STPG2: variants seen among roughly 807,000 people sequenced by gnomAD.
STPG2 encodes the protein sperm tail PG-rich repeat containing 2.
STPG2 carries 56 observed loss-of-function variants against 54.2 expected under a neutral mutation model. That is an observed-to-expected ratio of 1.03 (90% CI 0.83 to 1.29). STPG2 has a LOEUF of 1.29. Among genes scored for constraint, STPG2 ranks in the 50% most tolerant of loss-of-function variants. STPG2 has a pLI of 0.00. For synonymous variants in STPG2, 200 were observed against 181.8 expected, an observed-to-expected ratio of 1.10 and a Z score of -0.81; for missense variants, 596 against 544.9, an observed-to-expected ratio of 1.09 and a Z score of -0.93.
chr4:97,803,525 T>G (rs1391556996), intron 9 of STPG2, among the ~76,000 whole-genome samples: 1 of 152,130 alleles, frequency 6.6e-6, no homozygotes, highest in Non-Finnish European at 1.5e-5. Context: ...CTTTGCCATC[T>G]TCTACAGGAG....
At chr4:97,931,517 T>A (rs1732544118) in intron 8 of STPG2, among the ~76,000 whole-genome samples, 1 of 152,220 alleles carries the variant, frequency 6.6e-6, no homozygotes, top group African/African-American at 2.4e-5. Context: ...CAACCTTGAA[T>A]CCTGGAAATA....
intron 10 of STPG2, among the ~76,000 whole-genome samples, chr4:97,618,508 G>A (rs1167230703): frequency 1.3e-5 from 2 of 152,136 alleles, no homozygotes; most frequent in African/African-American, 4.8e-5. Flanking sequence ...GAAATACAGT[G>A]CTTTTAACAC....
intron 4 of STPG2, among the ~76,000 whole-genome samples, chr4:97,443,408 T>A (rs1329502172): frequency 6.6e-6 from 1 of 152,148 alleles, no homozygotes; most frequent in East Asian, 1.9e-4. Flanking sequence ...TTAAGACATT[T>A]GCTAAATTTT....
At chr4:97,443,557 A>G (rs1187098803) in intron 4 of STPG2, among the ~76,000 whole-genome samples, 2 of 152,158 alleles carry the variant, frequency 1.3e-5, no homozygotes, top group Non-Finnish European at 2.9e-5. Flanking sequence ...AATATCTCTG[A>G]CTTCCTATTA....
intron 8 of STPG2, among the ~76,000 whole-genome samples, chr4:97,847,282 C>T (rs1480107913): frequency 6.6e-6 from 1 of 152,014 alleles, no homozygotes; most frequent in African/African-American, 2.4e-5. Flanking sequence ...CTAAGGTCAT[C>T]CTTGCCATTT....
chr4:97,813,475 TA>T (rs766190000), intron 9 of STPG2, among the ~76,000 whole-genome samples: 2 of 151,928 alleles, frequency 1.3e-5, no homozygotes, highest in East Asian at 3.9e-4. Flanking sequence ...ATTGTTACCA[TA>T]AAAAATAAGT....
intron 10 of STPG2, among the ~76,000 whole-genome samples, chr4:97,663,538 T>C (rs1035598212): frequency 2.0e-5 from 3 of 152,194 alleles, no homozygotes; most frequent in Non-Finnish European, 4.4e-5. Flanking sequence ...AATTTATTTC[T>C]TCTCTAACCA....
rs184053653 is a variant in STPG2 at position 97,870,289 on chromosome 4, T to C, written c.1045-29357A>G. Among the ~76,000 whole-genome samples the C allele has an allele frequency of 4.2e-3, 631 of 151,568 alleles. 2 individuals are homozygous for C. Among genetic ancestry groups the C allele is most frequent in the Middle Eastern group, 0.014 (4 of 292 alleles). On this transcript the variant is annotated intron_variant, in intron 8 of 10. Coordinates refer to ENST00000295268, the MANE Select transcript of STPG2 (RefSeq NM_174952.3). ...GAAAATGTGATATAACAAAATATTA[T>C]GACAGAATAGAAACTACATATATTA...
intron 8 of STPG2, among the ~76,000 whole-genome samples, chr4:97,907,799 A>G: frequency 6.6e-6 from 1 of 152,226 alleles, no homozygotes; most frequent in Non-Finnish European, 1.5e-5. Flanking sequence ...TAGTGGTGGG[A>G]AAACTGGCTA....
At chr4:97,761,473 G>A (rs534202066) in intron 9 of STPG2, among the ~76,000 whole-genome samples, 1 of 152,076 alleles carries the variant, frequency 6.6e-6, no homozygotes, top group Non-Finnish European at 1.5e-5. Flanking sequence ...TATAGGTTTC[G>A]GAGTGACCAA....
chr4:98,109,954 T>C (rs2110144720), intron 3 of STPG2, among the ~76,000 whole-genome samples: 1 of 152,272 alleles, frequency 6.6e-6, no homozygotes, highest in South Asian at 2.1e-4. Flanking sequence ...AAGCACACTG[T>C]TTCACCAGAA....
chr4:97,651,943 T>C (rs955460622), intron 10 of STPG2, among the ~76,000 whole-genome samples: 2 of 151,976 alleles, frequency 1.3e-5, no homozygotes, highest in Non-Finnish European at 2.9e-5. Flanking sequence ...ATTCTTGCCA[T>C]ATGAAAATAC....
intron 9 of STPG2, among the ~76,000 whole-genome samples, chr4:97,777,685 T>C (rs149518734): frequency 6.6e-6 from 1 of 152,312 alleles, no homozygotes; most frequent in East Asian, 1.9e-4. Context: ...ATCCCTACCG[T>C]TCTGTTGCAT....
chr4:97,967,987 G>A (rs1280956001), intron 7 of STPG2, among the ~76,000 whole-genome samples: 1 of 152,098 alleles, frequency 6.6e-6, no homozygotes, highest in Non-Finnish European at 1.5e-5. Context: ...AAAGCTAGCA[G>A]AAGGCAAGAA....
intron 4 of STPG2, among the ~76,000 whole-genome samples, chr4:97,475,402 C>G (rs942105925): frequency 1.3e-5 from 2 of 150,842 alleles, no homozygotes; most frequent in Admixed American, 6.6e-5. Context: ...TCTTTAACTA[C>G]AATGTATAAT....
chr4:97,719,258 T>C (rs1724377989), intron 9 of STPG2, among the ~76,000 whole-genome samples: 1 of 151,984 alleles, frequency 6.6e-6, no homozygotes, highest in Non-Finnish European at 1.5e-5. Flanking sequence ...ACTACCCTTC[T>C]ATAGCTTTAG....
chr4:97,500,186 GATGT>G (rs1409023065), intron 4 of STPG2, among the ~76,000 whole-genome samples: 1 of 151,988 alleles, frequency 6.6e-6, no homozygotes, highest in African/African-American at 2.4e-5. Flanking sequence ...CTGAAATGTG[GATGT>G]ATTTGGAAAG....
intron 9 of STPG2, among the ~76,000 whole-genome samples, chr4:97,746,476 G>A (rs1171427243): frequency 3.3e-5 from 5 of 151,150 alleles, no homozygotes; most frequent in Non-Finnish European, 1.5e-5. Flanking sequence ...AAACAGAAGG[G>A]ACAAAACTTT....
chr4:98,072,107 G>A (rs180740034), intron 5 of STPG2, among the ~76,000 whole-genome samples: 5 of 152,064 alleles, frequency 3.3e-5, no homozygotes, highest in East Asian at 1.9e-4. Context: ...ACACATGCAC[G>A]TGTATGTTCA....
Sources: gnomAD v4.1 joint callset for allele counts (sites outside exome capture counted in the v4.1 genomes callset) on GRCh38, gnomAD v4.1.1 for gene constraint, MANE v1.5 for transcripts, NCBI Gene and HGNC (gene_info 2026-07-23, HGNC 2026-07-21) for gene names.